Variants in PRKCH observed in about 807,000 individuals in gnomAD.
PRKCH encodes the protein protein kinase C eta.
Under a neutral mutation model 82.5 loss-of-function variants are expected in PRKCH, and 28 were observed. The observed-to-expected ratio is 0.34, with a 90% CI of 0.25 to 0.47. The LOEUF is 0.47. Ranked by LOEUF, PRKCH falls within the 20% of genes least tolerant of loss-of-function variation. The probability of loss-of-function intolerance (pLI) is 1.00; values close to 1 mark genes in which losing one functional copy is unlikely to be tolerated. For synonymous variants in PRKCH, 322 were observed against 327.4 expected, an observed-to-expected ratio of 0.98 and a Z score of 0.18; for missense variants, 705 against 881.8, an observed-to-expected ratio of 0.80 and a Z score of 2.54.
At chr14:61,443,337 C>T (rs1393710235) in intron 3 of PRKCH, 76 bp downstream of exon 3, 12 of 1,383,774 alleles carry the variant, frequency 8.7e-6, no homozygotes, top group Non-Finnish European at 1.2e-5. Context: ...ATGACTTCAG[C>T]AGAATGCATG....
At chr14:61,259,175 T>C (rs2045023867) in intron 1 of PRKCH, among the ~76,000 whole-genome samples, 1 of 152,184 alleles carries the variant, frequency 6.6e-6, no homozygotes, top group Non-Finnish European at 1.5e-5. Context: ...TCCTTTCCTG[T>C]AACTTAATTT....
At chr14:61,253,964 TTCCCTCCCTCCCTCCTCCC>T (rs2044971429) in intron 1 of PRKCH, among the ~76,000 whole-genome samples, 5 of 135,658 alleles carry the variant, frequency 3.7e-5, no homozygotes, top group East Asian at 4.4e-4. Flanking sequence ...TCCTTCCTTC[TTCCCTCCCTCCCTCCTCCC>T]TCCCTCCCTC....
intron 2 of PRKCH, among the ~76,000 whole-genome samples, chr14:61,407,958 C>A (rs1349231764): frequency 6.6e-6 from 1 of 152,190 alleles, no homozygotes; most frequent in Admixed American, 6.5e-5. Flanking sequence ...TGTCCCACAT[C>A]CCCTGTTGTC....
rs950125912 is a variant in PRKCH, at chr14:61,390,165, G to A, written c.364-1060G>A. On this transcript the variant is annotated intron_variant, in intron 1 of 13. Transcript: ENST00000332981. Reference sequence around the variant, plus strand: ...GAAGTTAGCATCCGGTAGGAAGAGGGGAGTCCGCCCACCTAAGCTAGTGGT... The same window carrying A: ...GAAGTTAGCATCCGGTAGGAAGAGGAGAGTCCGCCCACCTAAGCTAGTGGT... Among the ~76,000 whole-genome samples the A allele has an allele frequency of 2.0e-5, 3 of 152,282 alleles. No homozygotes were observed. In the South Asian group the frequency reaches 6.2e-4, roughly 32 times the overall value.
chr14:61,281,170 C>G (rs1402701279), intron 1 of PRKCH: 2 of 1,292,988 alleles, frequency 1.5e-6, no homozygotes, highest in South Asian at 5.3e-5. Context: ...GGGACCGACG[C>G]GCGGGCTGAC....
chr14:61,330,929 C>T (rs1331889001), intron 1 of PRKCH, among the ~76,000 whole-genome samples: 1 of 147,968 alleles, frequency 6.8e-6, no homozygotes, highest in African/African-American at 2.5e-5. Context: ...ATAAAATACG[C>T]TAACACTAAC....
chr14:61,396,169 C>A (rs1594660140), intron 2 of PRKCH, among the ~76,000 whole-genome samples: 1 of 151,344 alleles, frequency 6.6e-6, no homozygotes, highest in African/African-American at 2.4e-5. Flanking sequence ...ATAATGTTGG[C>A]TTATCTCCAT....
intron 10 of PRKCH, among the ~76,000 whole-genome samples, chr14:61,497,574 T>C (rs1315641262): frequency 6.6e-6 from 1 of 152,184 alleles, no homozygotes; most frequent in Admixed American, 6.5e-5. Flanking sequence ...TAATCAATAC[T>C]CCAAATACTA....
At chr14:61,191,088 A>G (rs1342002876) in intron 1 of PRKCH, among the ~76,000 whole-genome samples, 1 of 152,236 alleles carries the variant, frequency 6.6e-6, no homozygotes, top group Non-Finnish European at 1.5e-5. Flanking sequence ...TTAATAAGAA[A>G]TCTGATTCTG....
rs113210135 is a variant in PRKCH, at chr14:61,331,805, G to A, written c.363+9341G>A. Among the ~76,000 whole-genome samples the A allele has an allele frequency of 6.6e-3, 1,001 of 152,302 alleles. 10 individuals are homozygous for A. The highest frequency in any genetic ancestry group is 0.023 in the African/African-American group (951 of 41,558). ...TGGAGTAATTGGTTTGGTTTAAACT[G>A]TCAAAATGAATTATGTGTTATCAAA... On this transcript the variant is annotated intron_variant, in intron 1 of 13. Coordinates refer to ENST00000332981, the MANE Select transcript of PRKCH (RefSeq NM_006255.5).
chr14:61,327,174 T>C (rs1379164607), intron 1 of PRKCH: 4 of 455,032 alleles, frequency 8.8e-6, no homozygotes, highest in African/African-American at 2.0e-5. Context: ...TCTCAATTTC[T>C]CAGTGAGGTA....
At chr14:61,421,884 G>A (rs1222075630) in intron 2 of PRKCH, among the ~76,000 whole-genome samples, 1 of 152,160 alleles carries the variant, frequency 6.6e-6, no homozygotes, top group Non-Finnish European at 1.5e-5. Context: ...CTCCAGTAAG[G>A]CATCTCCAAA....
intron 10 of PRKCH, among the ~76,000 whole-genome samples, chr14:61,511,173 A>G (rs113331313): frequency 1.3e-5 from 2 of 152,286 alleles, no homozygotes; most frequent in East Asian, 1.9e-4. Flanking sequence ...TCCTTTTCAC[A>G]TAGCCGGTGA....
intron 1 of PRKCH, among the ~76,000 whole-genome samples, chr14:61,235,375 C>T (rs2044779160): frequency 6.6e-6 from 1 of 152,204 alleles, no homozygotes; most frequent in Non-Finnish European, 1.5e-5. Flanking sequence ...GCATCATTCC[C>T]AACGGTATGT....
At chr14:61,471,268 A>C (rs1435512803) in intron 9 of PRKCH, among the ~76,000 whole-genome samples, 4 of 151,972 alleles carry the variant, frequency 2.6e-5, no homozygotes, top group African/African-American at 4.8e-5. Flanking sequence ...TTTAAAGAGG[A>C]GTGGCCAGGG....
In PRKCH at chr14:61,280,403, C is replaced by A; in HGVS notation, c.-19+92735C>A. On this transcript the variant is annotated intron_variant, in intron 1 of 3. Transcript: ENST00000555185. This position sits in a 1 kb window ranked among gnomAD's most constrained non-coding sequence, Gnocchi z 5.0. Reference sequence around the variant, plus strand: ...GCCGTGCGCATCCACACCACGAAGTCCTGATTGATGAAGCCGGTGTTGTTG... The same window carrying A: ...GCCGTGCGCATCCACACCACGAAGTACTGATTGATGAAGCCGGTGTTGTTG... The A allele has an allele frequency of 6.2e-7, 1 of 1,614,014 alleles. No homozygotes were observed. Among genetic ancestry groups the A allele is most frequent in the Non-Finnish European group, 8.5e-7 (1 of 1,179,904 alleles).
chr14:61,203,387 C>G (rs2044497580), intron 1 of PRKCH, among the ~76,000 whole-genome samples: 1 of 152,130 alleles, frequency 6.6e-6, no homozygotes, highest in Admixed American at 6.5e-5. Context: ...CCCCAAAGTG[C>G]TGGGAAAGCC....
chr14:61,516,734 A>G (rs1266073701), intron 10 of PRKCH, among the ~76,000 whole-genome samples: 1 of 152,142 alleles, frequency 6.6e-6, no homozygotes, highest in Non-Finnish European at 1.5e-5. Flanking sequence ...AATCAGTAAA[A>G]TTCCCTGAAC....
intron 13 of PRKCH, among the ~76,000 whole-genome samples, chr14:61,548,254 T>C (rs376051012): frequency 6.8e-6 from 1 of 147,214 alleles, no homozygotes; most frequent in African/African-American, 2.7e-5. Context: ...TGGGGCACTT[T>C]TTGTGCCTTT....
Sources: gnomAD v4.1 joint callset for allele counts (sites outside exome capture counted in the v4.1 genomes callset) on GRCh38, gnomAD v4.1.1 for gene constraint, Gnocchi (gnomAD v3.1) non-coding constraint, MANE v1.5 for transcripts, NCBI Gene and HGNC (gene_info 2026-07-23, HGNC 2026-07-21) for gene names.